PASK: variants seen among roughly 807,000 people sequenced by gnomAD.
PASK encodes PAS domain-containing serine/threonine-protein kinase.
In PASK, 110 loss-of-function variants were observed where a neutral mutation model predicts 121.0. The ratio of observed to expected loss-of-function variants is 0.91; its 90% CI spans 0.78 to 1.06. PASK has a LOEUF of 1.06. PASK is among the 50% of genes least tolerant of loss of function. The pLI is 0.00. For synonymous variants in PASK, 686 were observed against 717.8 expected, an observed-to-expected ratio of 0.96 and a Z score of 0.71; for missense variants, 1,643 against 1,702.3, an observed-to-expected ratio of 0.97 and a Z score of 0.61.
At chr2:241,136,160 C>A in intron 7 of PASK, 121 bp from the exon 8 acceptor site, 1 of 884,868 alleles carries the variant, frequency 1.1e-6, no homozygotes, top group Non-Finnish European at 1.9e-6. Context: ...CCCTTAAGGT[C>A]AGGAAAGGCC....
In PASK at chr2:241,142,951, C is replaced by T. The variant is rs755664624; in HGVS notation, c.82G>A (p.Gly28Ser). 6.2e-7 allele frequency: 1 copy of T among 1,613,678 alleles called. No homozygotes were observed. Among genetic ancestry groups the T allele is most frequent in the African/African-American group, 1.3e-5 (1 of 74,892 alleles). The change falls in exon 2 of 18, where the codon GGC becomes AGC. Residue 28 changes from glycine (G) to serine (S), a missense_variant. Physicochemically the swap from Gly to Ser is moderately conservative, Grantham distance 56. Coordinates refer to ENST00000234040, the MANE Select transcript of PASK (RefSeq NM_015148.4). ...QSLPLPVSAE[G>S]PAAQTTAEPS... ...TCAGCAGTGGTCTGTGCAGCTGGGCCCTCTGCTGACACTGGCAAGGGGAGG... is the reference window on the plus strand; with the variant it reads ...TCAGCAGTGGTCTGTGCAGCTGGGCTCTCTGCTGACACTGGCAAGGGGAGG...
upstream of PASK, chr2:241,150,015 A>G (rs1466524771): frequency 1.4e-6 from 2 of 1,397,872 alleles, no homozygotes; most frequent in Admixed American, 3.0e-5. Context: ...CGTTCGGCCC[A>G]TTGTACAGAC....
chr2:241,108,111 A>T lies in PASK; in HGVS notation c.3667+56T>A, dbSNP rs891742948. 5.7e-6 allele frequency: 9 copies of T among 1,585,706 alleles called. No individual in the cohort carries two copies. The highest frequency in any genetic ancestry group is 1.7e-4 in the Middle Eastern group (1 of 6,022). ...GAGGAATGAGGAAATGGGAAAAAAA[A>T]GTGGCTGGTCTCTAAGGACAGTGTC... On this transcript the variant is annotated intron_variant, in intron 16 of 17. Coordinates refer to ENST00000234040, the MANE Select transcript of PASK (RefSeq NM_015148.4). This position sits in a 1 kb window ranked among gnomAD's most constrained non-coding sequence, Gnocchi z 5.2.
At position 241,122,863 on chromosome 2, in the gene PASK, TG is replaced by T. The variant is rs768409016; in HGVS notation, c.2940del (p.Lys981ArgfsTer22). The T allele has an allele frequency of 6.2e-7, 1 of 1,613,980 alleles. No individual in the cohort carries two copies. The highest frequency in any genetic ancestry group is 1.3e-5 in the African/African-American group (1 of 74,922). On this transcript the variant is annotated frameshift_variant, in exon 12 of 18. Coordinates refer to ENST00000234040, the MANE Select transcript of PASK (RefSeq NM_015148.4). LOFTEE classifies it high-confidence loss of function. ...GCCAACCCCTCCAGTTCCACAGCCT[TG>T]GGGGGCTCCTCAAACCAGGGTCTGG... ...LRARPWFEEPPKAVELEGLAA... is the reference protein window; with the variant it reads ...LRARPWFEEPXKAVELEGLAA...
At chr2:241,146,011 C>T (rs1021139252) in intron 1 of PASK, among the ~76,000 whole-genome samples, 8 of 151,844 alleles carry the variant, frequency 5.3e-5, no homozygotes, top group African/African-American at 1.9e-4. Context: ...AAGAACAAGC[C>T]ACAATTTGGG....
intron 8 of PASK, chr2:241,133,272 C>T (rs1413487075): frequency 3.5e-6 from 2 of 567,012 alleles, no homozygotes. Flanking sequence ...AGTCAGAGCA[C>T]GGCACTCACC....
At chr2:241,150,126 C>T (rs1357699993), upstream of PASK, 6 of 1,263,018 alleles carry the variant, frequency 4.8e-6, no homozygotes, top group Non-Finnish European at 2.0e-6. Flanking sequence ...TCCACGCCTC[C>T]GAGGTCGAGA....
rs4597520 is a variant in PASK, at chr2:241,127,668, T to C, written c.1464-217A>G. On this transcript the variant is annotated intron_variant, in intron 9 of 17. Transcript: ENST00000234040. ...CATTTAGAAATGATTTTGCAGAGAA[T>C]GCTACCAAAAGCCCAACAGTAAAGT... The C allele has an allele frequency of 1.1e-3, 650 of 584,304 alleles. 9 individuals are homozygous for C. The highest frequency in any genetic ancestry group is 0.011 in the African/African-American group (580 of 53,986). The allele number at this position is 584,304 out of a possible 1,614,324, so 36.2% of individuals were successfully genotyped here. A position where few individuals can be genotyped will look rare whatever the true frequency, so the allele number is the denominator to read the frequency against.
Position 241,133,028 on chromosome 2 carries a change from G to A in PASK, c.1309C>T (p.Pro437Ser), listed in dbSNP as rs752160965. The stretch of plus-strand genomic sequence containing the variant: ...CCAGCAAGCACGACATTAATCCTTG[G>A]ATCTGGCAGCAACACCAAAAAAGAG... The part of the protein sequence containing the change: ...GQDPAEGGQD[P>S]RINVVLAGGH... The change falls in exon 9 of 18, where the codon CCA becomes TCA. Residue 437 changes from proline (P) to serine (S), a missense_variant and splice_region_variant. Coordinates refer to ENST00000234040, the MANE Select transcript of PASK (RefSeq NM_015148.4). The A allele has an allele frequency of 6.2e-7, 1 of 1,614,036 alleles. No individual in the cohort carries two copies. Among genetic ancestry groups the A allele is most frequent in the Non-Finnish European group, 8.5e-7 (1 of 1,179,958 alleles).
rs1251630004 is a variant in PASK, at chr2:241,112,988, C to T, written c.3334-549G>A. Among the ~76,000 whole-genome samples the T allele has an allele frequency of 6.6e-6, 1 of 152,208 alleles. No homozygotes were observed. Among genetic ancestry groups the T allele is most frequent in the Non-Finnish European group, 1.5e-5 (1 of 68,026 alleles). ...TCAGAGAGCAGCATGACGTATCAGCCATCCTTTCCCCAAATGTGTGGCTAC... is the reference window on the plus strand; with the variant it reads ...TCAGAGAGCAGCATGACGTATCAGCTATCCTTTCCCCAAATGTGTGGCTAC... On this transcript the variant is annotated intron_variant, in intron 14 of 17. Coordinates refer to ENST00000234040, the MANE Select transcript of PASK (RefSeq NM_015148.4). This position sits in a 1 kb window ranked among gnomAD's most constrained non-coding sequence, Gnocchi z 5.2.
chr2:241,113,702 A>G (rs1245328959), intron 14 of PASK: 1 of 984,924 alleles, frequency 1.0e-6, no homozygotes, highest in African/African-American at 1.7e-5. Context: ...AGGGCTAAAG[A>G]GCGACTTGAA....
intron 3 of PASK, 65 bp from the exon 4 acceptor site, chr2:241,140,120 C>A: frequency 7.7e-7 from 1 of 1,301,768 alleles, no homozygotes; most frequent in Non-Finnish European, 1.1e-6. Flanking sequence ...CTGCCCAGAA[C>A]AGCCCAGGAC....
rs757396684 is a variant in PASK, at chr2:241,126,301, T to C, written c.2614A>G (p.Thr872Ala). 2 of 1,613,886 alleles carry C rather than the reference T, an allele frequency of 1.2e-6. No individual in the cohort carries two copies. The highest frequency in any genetic ancestry group is 1.1e-5 in the South Asian group (1 of 91,064). The change falls in exon 10 of 18, where the codon ACC (threonine) becomes GCC (alanine). Residue 872 changes from threonine to alanine, a missense_variant. Transcript: ENST00000234040. ...AEEPRLNVQV[T>A]STPVIVMRGA... ...CGCATCACGATCACGGGCGTGGAGG[T>C]GACCTGGACGTTCAGCCTTGGCTCC...
chr2:241,132,349 TA>T (rs528429785), intron 9 of PASK, among the ~76,000 whole-genome samples: 13 of 149,402 alleles, frequency 8.7e-5, no homozygotes, highest in African/African-American at 1.5e-4. Flanking sequence ...ATGGTGAAAC[TA>T]AAAAAAATAC....
chr2:241,145,148 C>T (rs1367728396), intron 1 of PASK, among the ~76,000 whole-genome samples: 2 of 152,166 alleles, frequency 1.3e-5, no homozygotes, highest in African/African-American at 2.4e-5. Flanking sequence ...CTCCTGACCT[C>T]GTGATCCACC....
chr2:241,133,489 G>T (rs1003637330), intron 8 of PASK: 5 of 263,998 alleles, frequency 1.9e-5, no homozygotes, highest in Non-Finnish European at 3.7e-5. Flanking sequence ...AGGCCTCCTG[G>T]GACCCCAAGC....
intron 14 of PASK, chr2:241,113,818 C>T (rs1575233860): frequency 2.0e-6 from 2 of 985,458 alleles, no homozygotes; most frequent in East Asian, 1.1e-4. Flanking sequence ...TCCCCGACCC[C>T]GCTGCTGAGC....
intron 17 of PASK, 133 bp from the exon 18 acceptor site, chr2:241,106,856 G>A (rs1338670135): frequency 4.4e-5 from 38 of 866,298 alleles, no homozygotes; most frequent in African/African-American, 8.4e-5. Context: ...GCAATGTCCC[G>A]GAAGTACAGA....
chr2:241,145,892 C>G (rs2066930355), intron 1 of PASK: 2 of 150,962 alleles, frequency 1.3e-5, no homozygotes, highest in Admixed American at 6.6e-5. Context: ...GAGCTGAGAT[C>G]ACGCCACTGC....
Sources: gnomAD v4.1 joint callset for allele counts (sites outside exome capture counted in the v4.1 genomes callset) on GRCh38, gnomAD v4.1.1 for gene constraint, Gnocchi (gnomAD v3.1) non-coding constraint, MANE v1.5 for transcripts, NCBI Gene and HGNC (gene_info 2026-07-23, HGNC 2026-07-21) for gene names.